Variants in SPATA31H1 observed in about 807,000 individuals in gnomAD.
SPATA31H1 encodes spermatogenesis-associated protein 31H1.
chr2:27,559,866 TTTC>T, the SPATA31H1 span, among the ~76,000 whole-genome samples: 1 of 152,062 alleles, frequency 6.6e-6, no homozygotes, highest in South Asian at 2.1e-4. Flanking sequence ...ATTTATTTTT[TTTC>T]TTTTTTCTTT....
At chr2:27,581,720 A>G in the SPATA31H1 span, 2 of 1,611,044 alleles carry the variant, frequency 1.2e-6, no homozygotes, top group Non-Finnish European at 1.7e-6. Context: ...CCTCTAAGAG[A>G]AGCCATCGCA....
chr2:27,569,925 C>T, the SPATA31H1 span: 1 of 398,748 alleles, frequency 2.5e-6, no homozygotes, highest in Non-Finnish European at 4.4e-6. Flanking sequence ...AATCTCACAA[C>T]CCCCACATTA....
chr2:27,549,255 G>A, the SPATA31H1 span, among the ~76,000 whole-genome samples: 1 of 151,778 alleles, frequency 6.6e-6, no homozygotes, highest in Non-Finnish European at 1.5e-5. Flanking sequence ...AGGGGAAGAA[G>A]ATATTTCATA....
chr2:27,547,493 G>A, the SPATA31H1 span, among the ~76,000 whole-genome samples: 2 of 151,834 alleles, frequency 1.3e-5, no homozygotes, highest in African/African-American at 4.9e-5. Flanking sequence ...GACCTTTGAA[G>A]TTGTCTTAAC....
chr2:27,561,380 T>C, the SPATA31H1 span, among the ~76,000 whole-genome samples: 3 of 152,218 alleles, frequency 2.0e-5, no homozygotes, highest in African/African-American at 7.2e-5. Flanking sequence ...TGGTGTATAA[T>C]GTGATGGTTT....
chr2:27,538,029 G>A, the SPATA31H1 span, among the ~76,000 whole-genome samples: 1 of 152,140 alleles, frequency 6.6e-6, no homozygotes, highest in Non-Finnish European at 1.5e-5. Flanking sequence ...TTGGAAAAAA[G>A]ATGTGGGAAA....
the SPATA31H1 span, chr2:27,537,532 C>A: frequency 1.4e-6 from 1 of 717,216 alleles, no homozygotes; most frequent in Admixed American, 2.0e-5. Context: ...TTCCAGGAAT[C>A]GGAGCTGGAA....
chr2:27,567,424 C>T, the SPATA31H1 span: 1 of 455,520 alleles, frequency 2.2e-6, no homozygotes, highest in Non-Finnish European at 3.9e-6. Context: ...ACTCAGTTAT[C>T]TATGCCCATT....
chr2:27,553,406 C>A, the SPATA31H1 span, among the ~76,000 whole-genome samples: 1 of 152,180 alleles, frequency 6.6e-6, no homozygotes, highest in Non-Finnish European at 1.5e-5. Context: ...CTGATTAAGT[C>A]CATGTTTCAC....
chr2:27,538,574 G>C, the SPATA31H1 span, among the ~76,000 whole-genome samples: 1 of 152,152 alleles, frequency 6.6e-6, no homozygotes, highest in South Asian at 2.1e-4. Flanking sequence ...GCTCTCGCCT[G>C]TAATCCCAGC....
At chr2:27,545,843 G>A in the SPATA31H1 span, among the ~76,000 whole-genome samples, 1 of 151,868 alleles carries the variant, frequency 6.6e-6, no homozygotes, top group Non-Finnish European at 1.5e-5. Flanking sequence ...GATTACAGGT[G>A]TGAGCCATTG....
the SPATA31H1 span, chr2:27,570,631 T>C: frequency 5.0e-6 from 2 of 398,920 alleles, no homozygotes; most frequent in Non-Finnish European, 8.9e-6. Flanking sequence ...CCTCAAGGTG[T>C]GAAATCTTTA....
chr2:27,549,035 T>G, the SPATA31H1 span, among the ~76,000 whole-genome samples: 1 of 133,986 alleles, frequency 7.5e-6, no homozygotes, highest in Non-Finnish European at 1.5e-5. Flanking sequence ...ATCACGCCAC[T>G]GCACTCCAGC....
chr2:27,566,500 T>C, the SPATA31H1 span: 3 of 647,542 alleles, frequency 4.6e-6, no homozygotes, highest in Non-Finnish European at 8.5e-6. Context: ...GTTTTGTCTG[T>C]GGGGGTAGTT....
At chr2:27,580,457 G>C in the SPATA31H1 span, 6 of 1,613,998 alleles carry the variant, frequency 3.7e-6, no homozygotes, top group African/African-American at 8.0e-5. Flanking sequence ...GAATCACCAA[G>C]CGACTTAGAA....
the SPATA31H1 span, chr2:27,576,391 A>G: frequency 1.8e-6 from 1 of 570,496 alleles, no homozygotes; most frequent in East Asian, 2.8e-5. Flanking sequence ...CTCAGGCAGC[A>G]TAATGTGAGA....
chr2:27,539,722 T>C, the SPATA31H1 span, among the ~76,000 whole-genome samples: 25 of 47,228 alleles, frequency 5.3e-4, no homozygotes, highest in East Asian at 4.1e-3. Flanking sequence ...ACCTCCCGGA[T>C]GGGGCGGCTG....
At chr2:27,572,695 A>G in the SPATA31H1 span, 1 of 398,270 alleles carries the variant, frequency 2.5e-6, no homozygotes, top group Non-Finnish European at 4.4e-6. Flanking sequence ...CCAGGACCTG[A>G]GTTCCAAGGT....
the SPATA31H1 span, among the ~76,000 whole-genome samples, chr2:27,560,505 T>C: frequency 6.6e-6 from 1 of 151,670 alleles, no homozygotes; most frequent in Non-Finnish European, 1.5e-5. Flanking sequence ...TCACCCAGGC[T>C]GGAGTGCAGT....
Sources: gnomAD v4.1 joint callset for allele counts (sites outside exome capture counted in the v4.1 genomes callset) on GRCh38, gnomAD v4.1.1 for gene constraint, MANE v1.5 for transcripts, NCBI Gene and HGNC (gene_info 2026-07-23, HGNC 2026-07-21) for gene names.